Variants in ACTMAP observed in about 807,000 individuals in gnomAD.
ACTMAP encodes actin maturation protease.
At chr19:40,742,643 C>CG in the ACTMAP span, 1 of 1,613,256 alleles carries the variant, frequency 6.2e-7, no homozygotes, top group Non-Finnish European at 8.5e-7. Context: ...AGACAGCTCC[C>CG]GGGGAGCCCT....
At chr19:40,744,268 G>C in the ACTMAP span, 3 of 1,469,648 alleles carry the variant, frequency 2.0e-6, no homozygotes, top group Non-Finnish European at 2.7e-6. Flanking sequence ...CACAGTGGGC[G>C]ATGCTTCCAA....
At chr19:40,741,583 T>A in the ACTMAP span, 3 of 381,480 alleles carry the variant, frequency 7.9e-6, no homozygotes, top group Admixed American at 8.7e-5. Context: ...TCACACACAC[T>A]CACTAGAAGT....
At chr19:40,749,950 A>G in the ACTMAP span, 1 of 604,154 alleles carries the variant, frequency 1.7e-6, no homozygotes, top group East Asian at 3.4e-5. Context: ...TGAAAGGACC[A>G]GGGCTAATAT....
At chr19:40,746,213 TG>T in the ACTMAP span, among the ~76,000 whole-genome samples, 7 of 147,926 alleles carry the variant, frequency 4.7e-5, no homozygotes, top group Non-Finnish European at 6.1e-5. Flanking sequence ...CATTCCTTTT[TG>T]TTTGTTTGTT....
At chr19:40,742,008 T>C in the ACTMAP span, 1 of 452,422 alleles carries the variant, frequency 2.2e-6, no homozygotes, top group South Asian at 1.6e-5. Context: ...GATCCGGGGA[T>C]TTGAACAACA....
chr19:40,749,427 C>T, the ACTMAP span: 13 of 1,248,614 alleles, frequency 1.0e-5, no homozygotes, highest in Non-Finnish European at 1.2e-5. Context: ...CCCAAGAGAT[C>T]TGTGAAGTGT....
chr19:40,743,083 C>T, the ACTMAP span, among the ~76,000 whole-genome samples: 1 of 152,138 alleles, frequency 6.6e-6, no homozygotes, highest in Non-Finnish European at 1.5e-5. Flanking sequence ...GAGGAGCTGT[C>T]AAGACCACAA....
At chr19:40,741,781 A>G in the ACTMAP span, 19 of 456,590 alleles carry the variant, frequency 4.2e-5, no homozygotes, top group South Asian at 2.9e-4. Context: ...GGGTCCATCT[A>G]GCACCCCCCT....
the ACTMAP span, chr19:40,742,505 C>T: frequency 2.0e-6 from 3 of 1,522,598 alleles, no homozygotes; most frequent in South Asian, 3.9e-5. Context: ...CACCCACGGG[C>T]ACCACGTACA....
chr19:40,748,007 T>C, the ACTMAP span, among the ~76,000 whole-genome samples: 1 of 152,146 alleles, frequency 6.6e-6, no homozygotes, highest in Non-Finnish European at 1.5e-5. Context: ...ACCAGGAAAA[T>C]GAGACAATAA....
chr19:40,749,472 A>G, the ACTMAP span: 2 of 1,498,790 alleles, frequency 1.3e-6, no homozygotes, highest in African/African-American at 2.8e-5. Flanking sequence ...TGGGGCATGG[A>G]GACCCTACCG....
At chr19:40,750,048 C>G in the ACTMAP span, 1 of 401,806 alleles carries the variant, frequency 2.5e-6, no homozygotes, top group Non-Finnish European at 4.4e-6. Flanking sequence ...AATCCGGAAC[C>G]GGATCTGTGG....
At chr19:40,748,503 CTCCTT>C in the ACTMAP span, among the ~76,000 whole-genome samples, 1 of 152,182 alleles carries the variant, frequency 6.6e-6, no homozygotes, top group African/African-American at 2.4e-5. Flanking sequence ...GTCTGGCACT[CTCCTT>C]TCCCCTCCCA....
chr19:40,744,724 G>A, the ACTMAP span: 1 of 1,566,744 alleles, frequency 6.4e-7, no homozygotes, highest in Non-Finnish European at 8.6e-7. Context: ...CTATGTCACA[G>A]CCCCCTTACC....
At chr19:40,744,624 G>T in the ACTMAP span, 1 of 1,613,828 alleles carries the variant, frequency 6.2e-7, no homozygotes. Context: ...TCTCTCCAGG[G>T]GGACGCCACT....
At chr19:40,747,569 G>A in the ACTMAP span, among the ~76,000 whole-genome samples, 29 of 151,758 alleles carry the variant, frequency 1.9e-4, 1 homozygote, top group South Asian at 5.8e-3. Flanking sequence ...TAAGCATGGA[G>A]CCAGGCTGGG....
chr19:40,748,837 T>C, the ACTMAP span, among the ~76,000 whole-genome samples: 30 of 152,228 alleles, frequency 2.0e-4, no homozygotes, highest in African/African-American at 7.0e-4. Context: ...GCACTCAGGG[T>C]TCCCCTTCTC....
the ACTMAP span, chr19:40,749,826 G>C: frequency 3.9e-5 from 55 of 1,397,916 alleles, no homozygotes; most frequent in Non-Finnish European, 5.0e-5. Flanking sequence ...AGGAGGTGTT[G>C]AGAGGTTCAG....
chr19:40,741,604 G>A, the ACTMAP span: 2 of 400,170 alleles, frequency 5.0e-6, no homozygotes, highest in South Asian at 3.6e-5. Context: ...TTGTATAAGT[G>A]GACAGGAAAG....
Sources: allele counts gnomAD v4.1 joint callset (sites outside exome capture counted in the v4.1 genomes callset), GRCh38; gene constraint gnomAD v4.1.1; transcripts MANE v1.5; gene names NCBI Gene and HGNC (gene_info 2026-07-23, HGNC 2026-07-21).